Variants in FGD4 observed in about 807,000 individuals in gnomAD.
FGD4 encodes the protein FYVE, RhoGEF and PH domain-containing protein 4.
A neutral mutation model predicts 102.0 loss-of-function variants in FGD4; 42 were observed. The observed-to-expected ratio is 0.41, with a 90% confidence interval of 0.32 to 0.53. FGD4 has a LOEUF of 0.53. FGD4 is among the 20% of genes least tolerant of loss of function. The probability of loss-of-function intolerance (pLI) is 0.21; values close to 1 mark genes in which losing one functional copy is unlikely to be tolerated. For synonymous variants in FGD4, 380 were observed against 375.7 expected (o/e 1.01, Z -0.13); for missense variants, 902 against 1,078.2 (o/e 0.84, Z 2.29).
intron 1 of FGD4, among the ~76,000 whole-genome samples, chr12:32,465,739 G>A (rs539209735): frequency 1.7e-4 from 26 of 151,956 alleles, no homozygotes; most frequent in African/African-American, 5.1e-4. Context: ...TTAGATGATC[G>A]TTGTATTTTT....
intron 4 of FGD4, among the ~76,000 whole-genome samples, chr12:32,595,318 C>T (rs1270962488): frequency 3.3e-5 from 5 of 152,182 alleles, no homozygotes; most frequent in Non-Finnish European, 7.4e-5. Context: ...GCATATGTAT[C>T]ATATATCAAC....
At chr12:32,412,899 ATTTT>A (rs869107334) in intron 1 of FGD4, among the ~76,000 whole-genome samples, 15 of 86,986 alleles carry the variant, frequency 1.7e-4, no homozygotes, top group Admixed American at 3.2e-4. Context: ...TTTTCTAGAA[ATTTT>A]TTTTTTTTTT....
At chr12:32,483,271 T>G (rs1054733179) in intron 1 of FGD4, among the ~76,000 whole-genome samples, 3 of 152,214 alleles carry the variant, frequency 2.0e-5, no homozygotes, top group Admixed American at 2.0e-4. Flanking sequence ...ATCTGTATTT[T>G]GTAAAATCTA....
At chr12:32,493,518 C>T (rs1944181835) in intron 1 of FGD4, among the ~76,000 whole-genome samples, 1 of 152,200 alleles carries the variant, frequency 6.6e-6, no homozygotes, top group African/African-American at 2.4e-5. Flanking sequence ...CAGACACTTG[C>T]CACCCACCTC....
chr12:32,439,743 C>A (rs185373545), intron 1 of FGD4, among the ~76,000 whole-genome samples: 76 of 152,090 alleles, frequency 5.0e-4, no homozygotes, highest in Non-Finnish European at 9.1e-4. Flanking sequence ...TGTTATTATC[C>A]CACTGAATAA....
intron 1 of FGD4, among the ~76,000 whole-genome samples, chr12:32,513,243 A>G (rs1939567162): frequency 6.6e-6 from 1 of 152,230 alleles, no homozygotes; most frequent in Non-Finnish European, 1.5e-5. Context: ...ATTTCATATC[A>G]AGGGAACAGC....
At chr12:32,541,176 G>C (rs7965572) in intron 1 of FGD4, among the ~76,000 whole-genome samples, 10,701 of 152,152 alleles carry the variant, frequency 0.07, 423 homozygotes, top group South Asian at 0.14. Flanking sequence ...GCTAGAAGCA[G>C]TATTTGCTTT....
intron 1 of FGD4, among the ~76,000 whole-genome samples, chr12:32,526,383 G>A (rs1219854882): frequency 1.3e-5 from 2 of 152,236 alleles, no homozygotes; most frequent in South Asian, 2.1e-4. Flanking sequence ...CTCAAGGTTT[G>A]TGAATGCACC....
chr12:32,470,673 C>T (rs767463999), intron 1 of FGD4, among the ~76,000 whole-genome samples: 3 of 151,894 alleles, frequency 2.0e-5, no homozygotes, highest in East Asian at 1.9e-4. Context: ...ATGCTGGTCT[C>T]GAACTCCTGA....
chr12:32,551,287 G>A (rs981544590), intron 1 of FGD4, among the ~76,000 whole-genome samples: 1 of 152,126 alleles, frequency 6.6e-6, no homozygotes, highest in East Asian at 1.9e-4. Flanking sequence ...ACTAAGGAAC[G>A]CTCCCCTGGC....
chr12:32,627,176 A>G (rs1416769926), intron 14 of FGD4, among the ~76,000 whole-genome samples: 1 of 130,590 alleles, frequency 7.7e-6, no homozygotes, highest in African/African-American at 3.0e-5. Flanking sequence ...TTTTTTTGAG[A>G]CAGAGTCTCA....
rs1225170762 is a variant in FGD4, at chr12:32,598,551, A to G, written c.1066A>G (p.Arg356Gly). The change falls in exon 5 of 17, where the codon AGA (arginine) becomes GGA (glycine). Residue 356 changes from arginine to glycine, a missense_variant. Physicochemically the swap from Arg to Gly is moderately radical, Grantham distance 125. Around this residue, in one of 2 missense-constraint regions of FGD4, gnomAD observed 443 missense variants for 459.2 expected, o/e 0.96. Coordinates refer to ENST00000534526, the MANE Select transcript of FGD4 (RefSeq NM_001370298.3). ...KIANELLLTE[R>G]AYVNRLDLLD... ...AGCCAATGAACTTTTGCTTACTGAA[A>G]GAGCTTATGTCAACCGACTTGACCT... 1 of 1,613,512 alleles carries G rather than the reference A, an allele frequency of 6.2e-7. No homozygotes were observed. The highest frequency in any genetic ancestry group is 2.2e-5 in the East Asian group (1 of 44,820).
intron 1 of FGD4, among the ~76,000 whole-genome samples, chr12:32,528,253 A>C (rs1941456007): frequency 6.6e-6 from 1 of 152,190 alleles, no homozygotes; most frequent in Non-Finnish European, 1.5e-5. Context: ...GTTTCTTCTT[A>C]ACAGTACCGA....
intron 1 of FGD4, among the ~76,000 whole-genome samples, chr12:32,496,255 C>T (rs557010920): frequency 5.8e-4 from 89 of 152,298 alleles, no homozygotes; most frequent in Admixed American, 1.0e-3. Context: ...CATTCAGCAT[C>T]GGGTTTTATC....
chr12:32,534,333 G>C, intron 1 of FGD4: 1 of 1,422,792 alleles, frequency 7.0e-7, no homozygotes, highest in Non-Finnish European at 9.2e-7. Context: ...TAGTGCATTG[G>C]TCTGAGCTCC....
At chr12:32,604,735 C>G (rs1948655810) in intron 7 of FGD4, among the ~76,000 whole-genome samples, 1 of 152,140 alleles carries the variant, frequency 6.6e-6, no homozygotes, top group South Asian at 2.1e-4. Context: ...CAGTCCGTGC[C>G]ACCCTGATGG....
chr12:32,415,980 A>T (rs1941398530), intron 1 of FGD4, among the ~76,000 whole-genome samples: 1 of 152,026 alleles, frequency 6.6e-6, no homozygotes, highest in South Asian at 2.1e-4. Context: ...GCAACAGCTC[A>T]TTGGGCCTTG....
At chr12:32,573,862 T>G (rs77448504) in intron 2 of FGD4, among the ~76,000 whole-genome samples, 1,646 of 152,328 alleles carry the variant, frequency 0.011, 24 homozygotes, top group African/African-American at 0.037. Flanking sequence ...TCCAAACATT[T>G]GCCAAACATA....
At chr12:32,539,724 T>G (rs868328459) in intron 1 of FGD4, among the ~76,000 whole-genome samples, 12 of 151,258 alleles carry the variant, frequency 7.9e-5, no homozygotes, top group South Asian at 4.2e-4. Flanking sequence ...AAAAAAAAAG[T>G]TCCCTTCCCC....
Sources: allele counts gnomAD v4.1 joint callset (sites outside exome capture counted in the v4.1 genomes callset), GRCh38; gene constraint gnomAD v4.1.1; regional missense constraint gnomAD v4.1.1; transcripts MANE v1.5; gene names NCBI Gene and HGNC (gene_info 2026-07-23, HGNC 2026-07-21).